Variants in FOXN3 observed in about 807,000 individuals in gnomAD.
The protein encoded by FOXN3 is forkhead box N3.
Under a neutral mutation model 38.4 loss-of-function variants are expected in FOXN3, and 7 were observed. The observed-to-expected ratio is 0.18, with a 90% CI of 0.10 to 0.34. The LOEUF (loss-of-function observed/expected upper bound fraction) is 0.34. FOXN3 is among the 10% of genes least tolerant of loss of function. FOXN3 has a pLI of 1.00. For synonymous variants in FOXN3, 230 were observed against 242.2 expected, an observed-to-expected ratio of 0.95 and a Z score of 0.47; for missense variants, 456 against 613.4, an observed-to-expected ratio of 0.74 and a Z score of 2.71.
At chr14:89,445,680 A>G (rs1443185200) in intron 1 of FOXN3, among the ~76,000 whole-genome samples, 3 of 152,122 alleles carry the variant, frequency 2.0e-5, no homozygotes, top group Non-Finnish European at 4.4e-5. Flanking sequence ...AGAAGAGACC[A>G]GAGTTTGAGA....
chr14:89,314,505 A>C (rs1383294539), intron 3 of FOXN3, among the ~76,000 whole-genome samples: 1 of 152,244 alleles, frequency 6.6e-6, no homozygotes, highest in Non-Finnish European at 1.5e-5. Flanking sequence ...TTCTGTGACC[A>C]TTAAAATGTC....
intron 4 of FOXN3, among the ~76,000 whole-genome samples, chr14:89,211,932 G>A (rs534766676): frequency 2.6e-5 from 4 of 152,170 alleles, no homozygotes; most frequent in Non-Finnish European, 4.4e-5. Context: ...CCTTTGGGAG[G>A]TGATAGAGTT....
intron 2 of FOXN3, among the ~76,000 whole-genome samples, chr14:89,359,704 G>T (rs1596214429): frequency 6.6e-6 from 1 of 152,186 alleles, no homozygotes; most frequent in South Asian, 2.1e-4. Context: ...GGGCTTCCTA[G>T]AGAGGTCCTG....
chr14:89,492,959 G>C (rs1461676633), intron 1 of FOXN3, among the ~76,000 whole-genome samples: 1 of 152,114 alleles, frequency 6.6e-6, no homozygotes, highest in Non-Finnish European at 1.5e-5. Context: ...CAGAAACTCC[G>C]AGCGCCTCAG....
intron 1 of FOXN3, among the ~76,000 whole-genome samples, chr14:89,425,875 T>TC (rs1298717547): frequency 6.6e-6 from 1 of 152,200 alleles, no homozygotes; most frequent in African/African-American, 2.4e-5. Context: ...TATCTGTGTT[T>TC]CCATTTAAGA....
chr14:89,304,895 G>A (rs1264793461), intron 3 of FOXN3, among the ~76,000 whole-genome samples: 1 of 149,684 alleles, frequency 6.7e-6, no homozygotes, highest in African/African-American at 2.5e-5. Context: ...CCAGAGGAGA[G>A]GAAGCTGACA....
chr14:89,362,878 T>C (rs1466296640), intron 2 of FOXN3, among the ~76,000 whole-genome samples: 1 of 149,826 alleles, frequency 6.7e-6, no homozygotes, highest in Non-Finnish European at 1.5e-5. Context: ...TCCGTGGGCC[T>C]AACGAAAGGT....
chr14:89,523,933 T>C (rs1251431253), intron 1 of FOXN3, among the ~76,000 whole-genome samples: 2 of 151,780 alleles, frequency 1.3e-5, no homozygotes, highest in Admixed American at 1.3e-4. Flanking sequence ...CAGCTAATTT[T>C]TGTATTTTTA....
rs71130055 is a variant in FOXN3 at position 89,333,966 on chromosome 14, G to GTA, written c.680+16704_680+16705dup. 1.3e-3 allele frequency among the ~76,000 whole-genome samples: 177 copies of GTA among 131,378 alleles called. 2 individuals carry two copies. Among genetic ancestry groups the GTA allele is most frequent in the African/African-American group, 4.8e-3 (163 of 34,068 alleles). 86.2% of individuals were successfully genotyped at this position (131,378 alleles called of 152,430 possible). A position where few individuals can be genotyped will look rare whatever the true frequency, so the allele number is the denominator to read the frequency against. On this transcript the variant is annotated intron_variant, in intron 3 of 5. Coordinates refer to ENST00000557258, the MANE Select transcript of FOXN3 (RefSeq NM_005197.4). ...TAAATTAATGAAGAAAATGTGGTGT[G>GTA]TATATATATATATATATATATATAT...
In FOXN3 at chr14:89,319,500, T is replaced by G. The variant is rs544972234; in HGVS notation, c.680+31172A>C. ...AGATTTTTACTGGGGACTCTTCAGGTAGACACCCTATGCCTAGAGCACACC... is the reference window on the plus strand; with the variant it reads ...AGATTTTTACTGGGGACTCTTCAGGGAGACACCCTATGCCTAGAGCACACC... On this transcript the variant is annotated intron_variant, in intron 3 of 5. Coordinates refer to ENST00000557258, the MANE Select transcript of FOXN3 (RefSeq NM_005197.4). 1.3e-3 allele frequency among the ~76,000 whole-genome samples: 196 copies of G among 152,126 alleles called. 1 individual carries two copies. Among genetic ancestry groups the G allele is most frequent in the African/African-American group, 4.4e-3 (183 of 41,490 alleles).
chr14:89,182,995 C>T (rs1477156340), intron 4 of FOXN3, among the ~76,000 whole-genome samples: 1 of 152,140 alleles, frequency 6.6e-6, no homozygotes, highest in East Asian at 1.9e-4. Context: ...GGAACTAAAA[C>T]GATAAAACTT....
At chr14:89,334,743 C>CTCTG (rs1888391813) in intron 3 of FOXN3, among the ~76,000 whole-genome samples, 1 of 151,580 alleles carries the variant, frequency 6.6e-6, no homozygotes, top group Non-Finnish European at 1.5e-5. Context: ...TTGTTTTGTT[C>CTCTG]TTTGTTTGTT....
chr14:89,234,402 C>G (rs1884916654), intron 4 of FOXN3, among the ~76,000 whole-genome samples: 2 of 152,150 alleles, frequency 1.3e-5, no homozygotes, highest in Admixed American at 1.3e-4. Flanking sequence ...GCTCTACTCT[C>G]TGCCTCTGCT....
chr14:89,592,833 T>A (rs1452247511), intron 1 of FOXN3, among the ~76,000 whole-genome samples: 1 of 151,996 alleles, frequency 6.6e-6, no homozygotes, highest in African/African-American at 2.4e-5. Flanking sequence ...GAAAAATAAG[T>A]CCCTGCACAA....
Position 89,566,755 on chromosome 14 carries a change from CCCTCCT to C in FOXN3, c.-15+52267_-15+52272del, listed in dbSNP as rs71107531. Reference sequence around the variant, plus strand: ...GGGTGAAGCCTGTGGCTTTACCATTCCCTCCTCCTCCTCCTCCTCCTCCTCCTTTCA... The same window carrying C: ...GGGTGAAGCCTGTGGCTTTACCATTCCCTCCTCCTCCTCCTCCTCCTTTCA... On this transcript the variant is annotated intron_variant, in intron 1 of 6. Coordinates refer to the FOXN3 transcript ENST00000345097. Among the ~76,000 whole-genome samples, 148 of 148,998 alleles carry C rather than the reference CCCTCCT, an allele frequency of 9.9e-4. 1 individual carries two copies. The South Asian group carries it at 0.014, about 14-fold the overall frequency.
intron 1 of FOXN3, among the ~76,000 whole-genome samples, chr14:89,567,899 C>T (rs938748308): frequency 7.3e-5 from 11 of 151,592 alleles, no homozygotes; most frequent in Non-Finnish European, 1.5e-4. Flanking sequence ...ATTTTTTGTA[C>T]ATTTAGTAGA....
intron 3 of FOXN3, among the ~76,000 whole-genome samples, chr14:89,300,348 A>G (rs1028614151): frequency 1.3e-5 from 2 of 151,974 alleles, no homozygotes; most frequent in Non-Finnish European, 2.9e-5. Context: ...ATGCCCAGAT[A>G]ATTTTTCTAT....
chr14:89,218,528 C>CA (rs1884357069), intron 4 of FOXN3, among the ~76,000 whole-genome samples: 1 of 152,214 alleles, frequency 6.6e-6, no homozygotes, highest in Non-Finnish European at 1.5e-5. Flanking sequence ...CATGTGAAGA[C>CA]AAACGTATAC....
chr14:89,270,603 C>A (rs1037881432), intron 4 of FOXN3, among the ~76,000 whole-genome samples: 1 of 152,188 alleles, frequency 6.6e-6, no homozygotes, highest in Non-Finnish European at 1.5e-5. Context: ...GCCTTTGAAC[C>A]TAAGGTTGGC....
Sources: allele counts gnomAD v4.1 joint callset (sites outside exome capture counted in the v4.1 genomes callset), GRCh38; gene constraint gnomAD v4.1.1; transcripts MANE v1.5; gene names NCBI Gene and HGNC (gene_info 2026-07-23, HGNC 2026-07-21).